TP53I13: variants seen among roughly 807,000 people sequenced by gnomAD.
TP53I13 encodes tumor protein p53-inducible protein 13.
A neutral mutation model predicts 39.1 loss-of-function variants in TP53I13; 27 were observed. The observed-to-expected ratio is 0.69, with a 90% confidence interval of 0.51 to 0.95. The LOEUF (loss-of-function observed/expected upper bound fraction) is 0.95, where lower values mean the gene tolerates loss of function less well. Ranked by LOEUF, TP53I13 falls within the 40% of genes least tolerant of loss-of-function variation. The pLI, the probability that TP53I13 is intolerant of heterozygous loss-of-function variation, is 0.00. For missense variants in TP53I13, 544 were observed against 520.4 expected, an observed-to-expected ratio of 1.05 and a Z score of -0.44; for synonymous variants, 230 against 224.6, an observed-to-expected ratio of 1.02 and a Z score of -0.22.
chr17:29,570,808 TCTC>T (rs988779464), intron 3 of TP53I13: 2 of 152,212 alleles, frequency 1.3e-5, no homozygotes, highest in African/African-American at 4.8e-5. Context: ...TCCTGTTTAT[TCTC>T]CTCCACACCT....
chr17:29,579,031 G>A, the TP53I13 span: 6 of 1,601,540 alleles, frequency 3.7e-6, no homozygotes, highest in African/African-American at 8.0e-5. Flanking sequence ...CAGGACAGAG[G>A]CGGCAGTTAC....
chr17:29,574,475 A>C (rs1166251930), downstream of TP53I13: 5 of 604,196 alleles, frequency 8.3e-6, no homozygotes, highest in Non-Finnish European at 1.5e-5. Context: ...CTATATACAG[A>C]GGGGAGGTGC....
chr17:29,568,258 T>A (rs1486214955), upstream of TP53I13: 3 of 152,336 alleles, frequency 2.0e-5, no homozygotes, highest in East Asian at 5.8e-4. The surrounding 1 kb of genome is among the most constrained non-coding windows in gnomAD (Gnocchi z 4.5). Context: ...TTCATGATTC[T>A]GCCCCTCTTC....
At chr17:29,577,917 G>A (rs552100321), downstream of TP53I13, among the ~76,000 whole-genome samples, 5 of 152,378 alleles carry the variant, frequency 3.3e-5, no homozygotes, top group Admixed American at 1.3e-4. Flanking sequence ...AAGGCTGGGC[G>A]TGGCCGGCTG....
At chr17:29,576,721 C>G (rs781322337), downstream of TP53I13, 18 of 1,608,852 alleles carry the variant, frequency 1.1e-5, no homozygotes, top group South Asian at 2.0e-4. Context: ...GCAGGGAGGC[C>G]AACACCCGCA....
chr17:29,576,079 C>T (rs149260772), downstream of TP53I13: 8 of 1,613,436 alleles, frequency 5.0e-6, no homozygotes, highest in African/African-American at 1.3e-5. Context: ...CAGGCTTACC[C>T]GGTAAAGGCC....
Position 29,572,209 on chromosome 17 carries a change from C to G in TP53I13, c.581C>G (p.Pro194Arg), listed in dbSNP as rs748199090. 1.2e-6 allele frequency: 2 copies of G among 1,611,688 alleles called. No individual in the cohort carries two copies. Among genetic ancestry groups the G allele is most frequent in the Non-Finnish European group, 1.7e-6 (2 of 1,179,804 alleles). ...PPGTEVTSQG[P>R]RQPSSSGAKR... is the part of the protein sequence containing the mutation. ...GGCACAGAGGTGACATCTCAAGGGC[C>G]CAGGCAGCCCTCTTCTAGTGGTGCC... The change falls in exon 6 of 7, where the codon CCC becomes CGC. Residue 194 changes from proline to arginine, a missense_variant. Pro to Arg is a moderately radical substitution (Grantham distance 103). Transcript: ENST00000301057.
the TP53I13 span, among the ~76,000 whole-genome samples, chr17:29,580,207 G>A: frequency 6.6e-6 from 1 of 152,226 alleles, no homozygotes; most frequent in Non-Finnish European, 1.5e-5. Context: ...AGCAGTAGCT[G>A]GCTCCGGGAA....
chr17:29,581,392 T>A, the TP53I13 span: 3 of 1,610,042 alleles, frequency 1.9e-6, no homozygotes, highest in Non-Finnish European at 8.5e-7. This position sits in a 1 kb window ranked among gnomAD's most constrained non-coding sequence, Gnocchi z 4.8. Flanking sequence ...TGAACAAAAA[T>A]AAAAATGCCA....
rs779931142 is a variant in TP53I13 at position 29,569,015 on chromosome 17, C to T, written c.73-3C>T. The T allele has an allele frequency of 6.2e-7, 1 of 1,609,342 alleles. No individual in the cohort carries two copies. The highest frequency in any genetic ancestry group is 1.1e-5 in the South Asian group (1 of 90,288). On this transcript the variant is annotated splice_region_variant and splice_polypyrimidine_tract_variant and intron_variant, in intron 1 of 6. Coordinates refer to ENST00000301057, the MANE Select transcript of TP53I13 (RefSeq NM_138349.4). ...GCCCCAACTCTTCGCTTTGGACCCACAGGTGATGGCTGGACCGGCGGAGGA... is the reference window on the plus strand; with the variant it reads ...GCCCCAACTCTTCGCTTTGGACCCATAGGTGATGGCTGGACCGGCGGAGGA...
Position 29,569,384 on chromosome 17 carries a change from C to A in TP53I13, c.183+25C>A, listed in dbSNP as rs374787972. On this transcript the variant is annotated intron_variant, in intron 3 of 6. Coordinates refer to ENST00000301057, the MANE Select transcript of TP53I13 (RefSeq NM_138349.4). ...GGTGAGTACAAGCAGGGGCCCACCACCCTTGGTGTCCACGCCTGGAGACAG... is the reference window on the plus strand; with the variant it reads ...GGTGAGTACAAGCAGGGGCCCACCAACCTTGGTGTCCACGCCTGGAGACAG... The A allele has an allele frequency of 6.2e-6, 10 of 1,611,964 alleles. No homozygotes were observed. In the East Asian group the frequency reaches 1.6e-4, roughly 25 times the overall value.
At chr17:29,567,639 C>G (rs1022771728), upstream of TP53I13, 1 of 152,154 alleles carries the variant, frequency 6.6e-6, no homozygotes, top group Non-Finnish European at 1.5e-5. The surrounding 1 kb of genome is among the most constrained non-coding windows in gnomAD (Gnocchi z 6.6). Flanking sequence ...GTCCCGTGGA[C>G]TCCTCGCCCC....
At chr17:29,567,076 C>T (rs963986061), upstream of TP53I13, 2 of 974,454 alleles carry the variant, frequency 2.1e-6, no homozygotes, top group Non-Finnish European at 2.5e-6. The surrounding 1 kb of genome is among the most constrained non-coding windows in gnomAD (Gnocchi z 6.6). Flanking sequence ...CAGGGCCCTC[C>T]CGCGCGGGCG....
At chr17:29,569,568 T>C in intron 3 of TP53I13, 1 of 506,654 alleles carries the variant, frequency 2.0e-6, no homozygotes, top group Non-Finnish European at 3.5e-6. Context: ...CATAGGCCTG[T>C]CATCTGCAAT....
chr17:29,577,799 G>T (rs2033266299), downstream of TP53I13: 11 of 1,069,084 alleles, frequency 1.0e-5, no homozygotes, highest in Admixed American at 1.9e-4. Flanking sequence ...CAAGGTGGGG[G>T]TGGGGAAGCA....
At chr17:29,575,732 C>T (rs369909633), downstream of TP53I13, 301 of 1,610,676 alleles carry the variant, frequency 1.9e-4, no homozygotes, top group Non-Finnish European at 2.3e-4. This position sits in a 1 kb window ranked among gnomAD's most constrained non-coding sequence, Gnocchi z 5.5. Flanking sequence ...GGGCTGTGAG[C>T]GCCGTGTTCC....
chr17:29,576,095 G>C (rs1000227959), downstream of TP53I13: 1 of 1,613,616 alleles, frequency 6.2e-7, no homozygotes, highest in Admixed American at 1.7e-5. Context: ...AGGCCAGCAG[G>C]GACGTGCACT....
rs2032817011 is a variant in TP53I13 at position 29,568,981 on chromosome 17, G to A, written c.73-37G>A. 4 of 1,593,468 alleles carry A rather than the reference G, an allele frequency of 2.5e-6. No homozygotes were observed. The highest frequency in any genetic ancestry group is 1.7e-5 in the Admixed American group (1 of 57,262). On this transcript the variant is annotated intron_variant, in intron 1 of 6. Coordinates refer to ENST00000301057, the MANE Select transcript of TP53I13 (RefSeq NM_138349.4). The surrounding 1 kb of genome is among the most constrained non-coding windows in gnomAD (Gnocchi z 4.5). The stretch of plus-strand genomic sequence containing the variant: ...GGGAGAGAGAGGGCAGGGCCTCGCC[G>A]CGTCCAGCGCCCCAACTCTTCGCTT...
the TP53I13 span, chr17:29,578,508 A>G: frequency 9.1e-6 from 8 of 880,374 alleles, no homozygotes; most frequent in Non-Finnish European, 1.5e-5. Flanking sequence ...TCAGAATGGG[A>G]AAGTGGAAAG....
Sources: allele counts gnomAD v4.1 joint callset (sites outside exome capture counted in the v4.1 genomes callset), GRCh38; gene constraint gnomAD v4.1.1; non-coding constraint Gnocchi (gnomAD v3.1); transcripts MANE v1.5; gene names NCBI Gene and HGNC (gene_info 2026-07-23, HGNC 2026-07-21).